PAK3: variants seen among roughly 807,000 people sequenced by gnomAD.
PAK3 encodes the protein p21 (RAC1) activated kinase 3, also known as serine/threonine-protein kinase PAK 3.
A neutral mutation model predicts 41.0 loss-of-function variants in PAK3; 4 were observed. That is an observed-to-expected ratio of 0.10 (90% CI 0.05 to 0.22). PAK3 has a LOEUF of 0.22. Among genes scored for constraint, PAK3 ranks in the 10% least tolerant of loss-of-function variants. The pLI is 1.00. For missense variants in PAK3, 205 were observed against 409.9 expected (o/e 0.50, Z 4.32); for synonymous variants, 146 against 139.6 (o/e 1.05, Z -0.32).
chrX:111,108,744 G>T (rs1432194819), intron 4 of PAK3, among the ~76,000 whole-genome samples: 4 of 111,935 alleles, frequency 3.6e-5, no homozygotes, highest in African/African-American at 1.3e-4. Flanking sequence ...AGAAACAGCT[G>T]GGCAATTTTA....
At chrX:110,983,777 A>C (rs760365513) in intron 1 of PAK3, among the ~76,000 whole-genome samples, 1 of 111,165 alleles carries the variant, frequency 9.0e-6, no homozygotes, top group South Asian at 3.9e-4. Context: ...GCTGGAGTTG[A>C]TACAAGCTGC....
intron 1 of PAK3, among the ~76,000 whole-genome samples, chrX:110,985,897 T>G (rs889577204): frequency 7.2e-5 from 8 of 111,477 alleles, no homozygotes; most frequent in Non-Finnish European, 1.5e-4. Flanking sequence ...CAGTCTCATT[T>G]CCACTGATTT....
At chrX:111,059,179 T>C (rs1309242871) in intron 1 of PAK3, among the ~76,000 whole-genome samples, 2 of 107,022 alleles carry the variant, frequency 1.9e-5, no homozygotes, top group African/African-American at 6.8e-5. Flanking sequence ...TGCTTGTTTG[T>C]TATGTTTTTG....
intron 4 of PAK3, among the ~76,000 whole-genome samples, chrX:111,104,489 A>G (rs1419224264): frequency 1.8e-5 from 2 of 111,608 alleles, no homozygotes; most frequent in Non-Finnish European, 1.9e-5. Flanking sequence ...AGTTTCAGCC[A>G]TGGAATTGAA....
rs56270341 is a variant in PAK3 at position 111,162,977 on chromosome X, G to A, written c.531G>A (p.Glu177=). 3,930 of 1,201,610 alleles carry A rather than the reference G, an allele frequency of 3.3e-3. 6 individuals carry two copies. Among genetic ancestry groups the A allele is most frequent in the Non-Finnish European group, 4.0e-3 (3,514 of 888,147 alleles). The change falls in exon 9 of 18, where the codon GAG becomes GAA. Residue 177 remains glutamate (E), a synonymous_variant. Coordinates refer to ENST00000372007, the MANE Select transcript of PAK3 (RefSeq NM_002578.5). The part of the protein sequence containing the change: ...APPVSEEEDE[E]EEEEEDENEP... ...CTGTGTCTGAAGAAGAAGATGAAGA[G>A]GAAGAAGAAGAAGAAGATGAAAATG...
intron 1 of PAK3, among the ~76,000 whole-genome samples, chrX:111,053,831 A>G (rs183884529): frequency 8.9e-6 from 1 of 111,825 alleles, no homozygotes; most frequent in East Asian, 2.8e-4. Context: ...GCACTTATCC[A>G]TGCTCCTAAT....
At chrX:111,086,669 C>T (rs183856475) in intron 1 of PAK3, among the ~76,000 whole-genome samples, 71 of 111,576 alleles carry the variant, frequency 6.4e-4, no homozygotes, top group African/African-American at 2.1e-3. Flanking sequence ...ACAGACTGTG[C>T]TCAAGTAGAA....
At chrX:111,197,430 G>A (rs2094627864) in intron 16 of PAK3, among the ~76,000 whole-genome samples, 2 of 111,520 alleles carry the variant, frequency 1.8e-5, no homozygotes, top group Non-Finnish European at 3.8e-5. Flanking sequence ...ATATTCCTTT[G>A]ATTATATATC....
chrX:111,123,583 T>G (rs1415725387), intron 5 of PAK3, among the ~76,000 whole-genome samples: 3 of 112,642 alleles, frequency 2.7e-5, no homozygotes, highest in African/African-American at 6.5e-5. Flanking sequence ...TCTGATAATG[T>G]AGAGTAGAAT....
intron 8 of PAK3, among the ~76,000 whole-genome samples, chrX:111,153,242 T>A (rs1402406183): frequency 9.0e-6 from 1 of 111,603 alleles, no homozygotes; most frequent in Non-Finnish European, 1.9e-5. Context: ...AAAACTGAGG[T>A]TTGGAGAAAT....
At chrX:110,971,253 T>C (rs2091201603) in intron 1 of PAK3, among the ~76,000 whole-genome samples, 1 of 111,721 alleles carries the variant, frequency 9.0e-6, no homozygotes, top group African/African-American at 3.3e-5. Context: ...TCCACCATCT[T>C]CCCCGGCCAT....
At chrX:110,957,807 G>A (rs1398956993) in intron 1 of PAK3, among the ~76,000 whole-genome samples, 5 of 111,467 alleles carry the variant, frequency 4.5e-5, no homozygotes, top group Non-Finnish European at 7.5e-5. Context: ...TTCATCCCAA[G>A]GACACATGTT....
chrX:111,122,117 G>A (rs1474032282), intron 4 of PAK3, among the ~76,000 whole-genome samples: 4 of 107,558 alleles, frequency 3.7e-5, no homozygotes, highest in Admixed American at 1.0e-4. Context: ...TTAGCTGGGC[G>A]TGGTGGTGGG....
chrX:110,948,918 G>T (rs2090682578), intron 1 of PAK3, among the ~76,000 whole-genome samples: 1 of 112,284 alleles, frequency 8.9e-6, no homozygotes, highest in Non-Finnish European at 1.9e-5. Flanking sequence ...TGCTTGTTCA[G>T]TGGGGGACAT....
At chrX:110,949,124 C>T (rs2090686943) in intron 1 of PAK3, among the ~76,000 whole-genome samples, 1 of 112,195 alleles carries the variant, frequency 8.9e-6, no homozygotes, top group East Asian at 2.8e-4. Flanking sequence ...TTTGACTTAA[C>T]TGCCTTCTTG....
intron 1 of PAK3, among the ~76,000 whole-genome samples, chrX:111,019,731 G>C (rs1486058554): frequency 9.7e-6 from 1 of 103,365 alleles, no homozygotes; most frequent in African/African-American, 3.6e-5. Context: ...AAGGGGGGGG[G>C]GCAAATGATT....
intron 4 of PAK3, among the ~76,000 whole-genome samples, chrX:111,112,673 T>A (rs1452623340): frequency 9.0e-6 from 1 of 111,697 alleles, no homozygotes; most frequent in Non-Finnish European, 1.9e-5. Context: ...GAAGGTTTAA[T>A]GATTTCTTCA....
chrX:110,984,899 C>A (rs758968342), intron 1 of PAK3, among the ~76,000 whole-genome samples: 6 of 109,670 alleles, frequency 5.5e-5, no homozygotes, highest in Admixed American at 3.9e-4. Context: ...GAGGTCAGGG[C>A]GGGCAAATCG....
chrX:110,964,692 T>G (rs2091046529), intron 1 of PAK3, among the ~76,000 whole-genome samples: 1 of 112,463 alleles, frequency 8.9e-6, no homozygotes, highest in Admixed American at 9.4e-5. Flanking sequence ...GTGCCACGTC[T>G]GAAGAACAGG....
Sources: gnomAD v4.1 joint callset for allele counts (sites outside exome capture counted in the v4.1 genomes callset) on GRCh38, gnomAD v4.1.1 for gene constraint, MANE v1.5 for transcripts, NCBI Gene and HGNC (gene_info 2026-07-23, HGNC 2026-07-21) for gene names.